The following WDR64 variants were observed in gnomAD, a reference collection of about 807,000 sequenced individuals.
WDR64 encodes WD repeat-containing protein 64.
In WDR64, 112 loss-of-function variants were observed where a neutral mutation model predicts 139.3. The observed-to-expected ratio is 0.80, with a 90% CI of 0.69 to 0.94. WDR64 has a LOEUF of 0.94. WDR64 is among the 40% of genes least tolerant of loss of function. The pLI, the probability that WDR64 is intolerant of heterozygous loss-of-function variation, is 0.00. For synonymous variants in WDR64, 444 were observed against 437.7 expected (o/e 1.01, Z -0.18); for missense variants, 1,206 against 1,293.1 (o/e 0.93, Z 1.03).
intron 19 of WDR64, among the ~76,000 whole-genome samples, chr1:241,772,344 A>AG (rs1658487078): frequency 6.7e-6 from 1 of 148,162 alleles, no homozygotes; most frequent in Non-Finnish European, 1.5e-5. Context: ...AAAAAAAAAA[A>AG]GAAAAGGAAA....
intron 18 of WDR64, among the ~76,000 whole-genome samples, chr1:241,771,186 T>C (rs1467556228): frequency 6.6e-6 from 1 of 152,210 alleles, no homozygotes; most frequent in African/African-American, 2.4e-5. Context: ...ACTGCAAAAA[T>C]TGTTTTTAAA....
At position 241,678,505 on chromosome 1, in the gene WDR64, G is replaced by A. The variant is rs114868152; in HGVS notation, c.513+289G>A. 9.0e-3 allele frequency among the ~76,000 whole-genome samples: 1,368 copies of A among 152,268 alleles called. 17 individuals are homozygous for A. The highest frequency in any genetic ancestry group is 0.031 in the African/African-American group (1,289 of 41,550). Reference sequence around the variant, plus strand: ...TTCTGAGTTTTTCTGAGCATCTGCTGTTGGAGAATGTAAAGAATGGACACA... The same window carrying A: ...TTCTGAGTTTTTCTGAGCATCTGCTATTGGAGAATGTAAAGAATGGACACA... On this transcript the variant is annotated intron_variant, in intron 5 of 27. Coordinates refer to ENST00000437684, the MANE Select transcript of WDR64 (RefSeq NM_001367482.1).
intron 8 of WDR64, among the ~76,000 whole-genome samples, chr1:241,707,066 C>G (rs1241392615): frequency 6.6e-6 from 1 of 152,172 alleles, no homozygotes; most frequent in East Asian, 1.9e-4. Flanking sequence ...ACCACAGCCC[C>G]CCTTCTCCCT....
At chr1:241,685,118 G>T (rs893857467) in intron 7 of WDR64, among the ~76,000 whole-genome samples, 3 of 150,876 alleles carry the variant, frequency 2.0e-5, no homozygotes, top group Non-Finnish European at 4.4e-5. Context: ...GGTTACTTTA[G>T]ATATTAATCA....
At chr1:241,719,728 G>T (rs1190275216) in intron 9 of WDR64, among the ~76,000 whole-genome samples, 2 of 152,064 alleles carry the variant, frequency 1.3e-5, no homozygotes, top group African/African-American at 4.8e-5. Flanking sequence ...ATCCTAATGG[G>T]TGGCCCAATA....
At chr1:241,732,688 C>T (rs916766393) in intron 10 of WDR64, among the ~76,000 whole-genome samples, 9 of 151,966 alleles carry the variant, frequency 5.9e-5, no homozygotes, top group Non-Finnish European at 1.3e-4. Flanking sequence ...GGCGTGGTGG[C>T]GGGCTCCTGT....
chr1:241,735,823 A>ATCTCTCTCTC (rs762750963), intron 10 of WDR64, among the ~76,000 whole-genome samples: 5 of 82,912 alleles, frequency 6.0e-5, no homozygotes, highest in African/African-American at 1.8e-4. Context: ...TTCTCTTTCT[A>ATCTCTCTCTC]TCTCTCTCTC....
In WDR64 at chr1:241,772,815, G is replaced by C; in HGVS notation, c.2314G>C (p.Gly772Arg). ...VKGEQTDVMV[G>R]KQQPMDKKHP... is the part of the protein sequence containing the mutation. The stretch of plus-strand genomic sequence containing the variant: ...AGGTGAACAAACAGATGTAATGGTG[G>C]GAAAGCAACAGCCAATGGACAAAAA... Residue 772 changes from glycine to arginine, a missense_variant, in exon 20 of 28, where the codon GGA (glycine) becomes CGA (arginine). Physicochemically the swap from Gly to Arg is moderately radical, Grantham distance 125. Transcript: ENST00000437684. The C allele has an allele frequency of 6.4e-7, 1 of 1,551,726 alleles. No individual in the cohort carries two copies. The highest frequency in any genetic ancestry group is 1.2e-5 in the South Asian group (1 of 84,040).
chr1:241,739,930 C>A (rs770704312), intron 11 of WDR64, among the ~76,000 whole-genome samples: 12 of 152,194 alleles, frequency 7.9e-5, no homozygotes, highest in Non-Finnish European at 1.8e-4. Context: ...GACAGTAGCA[C>A]CACGTTCTAG....
Position 241,763,080 on chromosome 1 carries a change from C to T in WDR64, c.1948-3138C>T, listed in dbSNP as rs529034254. Among the ~76,000 whole-genome samples, 3 of 152,216 alleles carry T rather than the reference C, an allele frequency of 2.0e-5. No homozygotes were observed. In the South Asian group the frequency reaches 6.2e-4, roughly 32 times the overall value. On this transcript the variant is annotated intron_variant, in intron 15 of 27. Coordinates refer to ENST00000437684, the MANE Select transcript of WDR64 (RefSeq NM_001367482.1). ...AATTCTAGCCTACTTCCCTTTTCAA[C>T]TCTACATATAATTGGAAACACTAGG...
chr1:241,680,166 T>G (rs1340414559), intron 6 of WDR64, among the ~76,000 whole-genome samples: 1 of 152,186 alleles, frequency 6.6e-6, no homozygotes, highest in Admixed American at 6.5e-5. Context: ...AATTATATGG[T>G]GCAACGGGGA....
At chr1:241,749,757 G>GC in intron 14 of WDR64, 35 bp downstream of exon 14, 3 of 1,543,034 alleles carry the variant, frequency 1.9e-6, no homozygotes, top group African/African-American at 1.8e-5. Context: ...TACTGCAGGT[G>GC]CCCTTTTTGG....
intron 4 of WDR64, among the ~76,000 whole-genome samples, chr1:241,675,736 A>T (rs72768062): frequency 0.012 from 1,904 of 152,374 alleles, 15 homozygotes; most frequent in Non-Finnish European, 0.021. Context: ...TTACATCTGT[A>T]GAATGAGGAC....
At chr1:241,706,786 T>G (rs915977381) in intron 8 of WDR64, among the ~76,000 whole-genome samples, 1 of 152,190 alleles carries the variant, frequency 6.6e-6, no homozygotes, top group Non-Finnish European at 1.5e-5. Context: ...AAAAATCAAA[T>G]TTTTTCAGGT....
At chr1:241,744,687 C>T (rs1669685580) in intron 13 of WDR64, among the ~76,000 whole-genome samples, 171 bp downstream of exon 13, 1 of 152,196 alleles carries the variant, frequency 6.6e-6, no homozygotes, top group Non-Finnish European at 1.5e-5. Context: ...CCTTATCTAA[C>T]AGGCATCAAT....
At chr1:241,763,409 T>C (rs1047810201) in intron 15 of WDR64, among the ~76,000 whole-genome samples, 1 of 152,174 alleles carries the variant, frequency 6.6e-6, no homozygotes, top group Non-Finnish European at 1.5e-5. Flanking sequence ...AAATTATAGA[T>C]TGAAAGTTTG....
intron 4 of WDR64, among the ~76,000 whole-genome samples, chr1:241,676,745 G>GTTTT (rs11342790): frequency 1.6e-5 from 2 of 124,356 alleles, no homozygotes; most frequent in Non-Finnish European, 3.4e-5. Flanking sequence ...AAAATTAATG[G>GTTTT]TTTTTTTTTT....
intron 13 of WDR64, among the ~76,000 whole-genome samples, chr1:241,745,425 T>TCCTCCCTCCTTGGCCTCCCGA (rs1669720569): frequency 6.6e-6 from 1 of 151,228 alleles, no homozygotes; most frequent in African/African-American, 2.5e-5. Context: ...AGACATGAAA[T>TCCTCCCTCCTTGGCCTCCCGA]GTGGTTGTTG....
chr1:241,714,189 G>A lies in WDR64; in HGVS notation c.1054+2308G>A, dbSNP rs140446901. On this transcript the variant is annotated intron_variant, in intron 9 of 27. Coordinates refer to ENST00000437684, the MANE Select transcript of WDR64 (RefSeq NM_001367482.1). ...CCTTGTAAAAGACAGAAGGCATGTA[G>A]GCTTGCAAGACTTAAATGAGCAAAA... 8.1e-3 allele frequency among the ~76,000 whole-genome samples: 1,228 copies of A among 152,240 alleles called. 47 individuals carry two copies. The highest frequency in any genetic ancestry group is 0.071 in the Admixed American group (1,093 of 15,290).
Sources: gnomAD v4.1 joint callset for allele counts (sites outside exome capture counted in the v4.1 genomes callset) on GRCh38, gnomAD v4.1.1 for gene constraint, MANE v1.5 for transcripts, NCBI Gene and HGNC (gene_info 2026-07-23, HGNC 2026-07-21) for gene names.